TCP11: variants seen among roughly 807,000 people sequenced by gnomAD.
The protein encoded by TCP11 is t-complex 11.
In TCP11, 34 loss-of-function variants were observed where a neutral mutation model predicts 45.0. The ratio of observed to expected loss-of-function variants is 0.76; its 90% CI spans 0.57 to 1.01. The LOEUF is 1.01. Among genes scored for constraint, TCP11 ranks in the 50% least tolerant of loss-of-function variants. The pLI, the probability that TCP11 is intolerant of heterozygous loss-of-function variation, is 0.00. For missense variants in TCP11, 523 were observed against 598.1 expected (o/e 0.87, Z 1.31); for synonymous variants, 227 against 227.0 (o/e 1.00, Z 0.00).
intron 5 of TCP11, 90 bp from the exon 6 acceptor site, chr6:35,121,135 G>A: frequency 7.1e-7 from 1 of 1,400,974 alleles, no homozygotes; most frequent in African/African-American, 1.4e-5. Context: ...AGTTAGGAGG[G>A]GCTTAAGACT....
intron 1 of TCP11, 31 bp from the exon 2 acceptor site, chr6:35,140,915 G>A: frequency 2.1e-5 from 32 of 1,525,184 alleles, no homozygotes; most frequent in Non-Finnish European, 2.6e-5. Flanking sequence ...TGTTGTTGGC[G>A]TCGGGGAAGG....
chr6:35,122,054 G>T, intron 5 of TCP11, 63 bp downstream of exon 5: 1 of 1,522,174 alleles, frequency 6.6e-7, no homozygotes, highest in Non-Finnish European at 9.1e-7. Context: ...ATCTAGGTCT[G>T]GCCCAGCTTT....
At chr6:35,128,833 T>G in intron 4 of TCP11, 1 of 491,282 alleles carries the variant, frequency 2.0e-6, no homozygotes. Flanking sequence ...TATTCAAGGA[T>G]TCTTTAGTTT....
intron 2 of TCP11, among the ~76,000 whole-genome samples, chr6:35,139,228 A>C (rs1475305014): frequency 1.3e-5 from 2 of 152,124 alleles, no homozygotes; most frequent in East Asian, 3.9e-4. Flanking sequence ...ATCAACAACA[A>C]CAAAAATTAA....
chr6:35,141,225 G>C lies in TCP11; in HGVS notation c.-35C>G, dbSNP rs745687408. ...GTCACCTCCTCCTCCCCCGCCGCGG[G>C]TCATCCACTGGCGTCCGCTCGGTGG... On this transcript the variant is annotated 5_prime_UTR_variant, in exon 1 of 10. Coordinates refer to ENST00000311875, the MANE Select transcript of TCP11 (RefSeq NM_001370687.1). The C allele has an allele frequency of 8.5e-6, 12 of 1,406,236 alleles. No homozygotes were observed. The highest frequency in any genetic ancestry group is 2.8e-5 in the Admixed American group (1 of 36,026). The allele number at this position is 1,406,236 out of a possible 1,614,324, so 87.1% of individuals were successfully genotyped here. A position where few individuals can be genotyped will look rare whatever the true frequency, so the allele number is the denominator to read the frequency against.
intron 4 of TCP11, among the ~76,000 whole-genome samples, chr6:35,123,140 C>T (rs867935080): frequency 1.3e-5 from 2 of 152,168 alleles, no homozygotes; most frequent in African/African-American, 4.8e-5. Flanking sequence ...AAGGGCCTTC[C>T]TTCTTGGCTC....
rs1024658371 is a variant in TCP11, at chr6:35,136,171, G to T, written c.172C>A (p.Leu58Met). 3 of 1,613,484 alleles carry T rather than the reference G, an allele frequency of 1.9e-6. No individual in the cohort carries two copies. In the African/African-American group the frequency reaches 4.0e-5, roughly 22 times the overall value. ...CAATTCATCCCAATCTTGTTGCTCA[G>T]CTTGGAAACTTCATTAACGGTTTCT... ...LTETVNEVSK[L>M]SNKIGMNCDY... is the part of the protein sequence containing the mutation. Residue 58 changes from leucine to methionine, a missense_variant, in exon 3 of 10, where the codon CTG becomes ATG. Coordinates refer to ENST00000311875, the MANE Select transcript of TCP11 (RefSeq NM_001370687.1).
intron 2 of TCP11, among the ~76,000 whole-genome samples, chr6:35,139,608 G>A (rs1345342791): frequency 6.6e-6 from 1 of 152,194 alleles, no homozygotes. Flanking sequence ...TCTTCAGAAG[G>A]GGATTGAACT....
intron 2 of TCP11, chr6:35,137,999 A>C (rs1156551024): frequency 2.9e-6 from 1 of 342,264 alleles, no homozygotes; most frequent in East Asian, 7.9e-5. Flanking sequence ...CCCTGTTCTT[A>C]GATACATGAT....
intron 4 of TCP11, among the ~76,000 whole-genome samples, chr6:35,126,650 CTTTTT>C (rs56010838): frequency 6.6e-3 from 442 of 66,870 alleles, no homozygotes; most frequent in African/African-American, 0.023. Context: ...GAATCAAAGA[CTTTTT>C]TTTTTTTTTT....
At chr6:35,119,572 C>CT (rs2127636963) in intron 8 of TCP11, among the ~76,000 whole-genome samples, 181 bp from the exon 9 acceptor site, 1 of 152,366 alleles carries the variant, frequency 6.6e-6, no homozygotes, top group Admixed American at 6.5e-5. Flanking sequence ...AATGTCCTCA[C>CT]TGTAACCCTC....
At chr6:35,140,919 G>A (rs368978386) in intron 1 of TCP11, 35 bp from the exon 2 acceptor site, 8 of 1,528,186 alleles carry the variant, frequency 5.2e-6, no homozygotes, top group Non-Finnish European at 7.0e-6. Context: ...GTTGGCGTCG[G>A]GGAAGGGGCC....
chr6:35,125,959 T>A (rs946481734), intron 4 of TCP11, among the ~76,000 whole-genome samples: 1 of 152,144 alleles, frequency 6.6e-6, no homozygotes, highest in Non-Finnish European at 1.5e-5. Flanking sequence ...GTAGTCAAAT[T>A]CATAGAGACA....
chr6:35,118,357 T>C lies in TCP11; in HGVS notation c.1424A>G (p.Gln475Arg). Residue 475 changes from glutamine (Q) to arginine (R), a missense_variant, in exon 10 of 10, where the codon CAG becomes CGG. Physicochemically the swap from Gln to Arg is conservative, Grantham distance 43. This residue lies in a region of TCP11 where 298 missense variants were observed against 387.9 expected (regional missense o/e 0.77). Transcript: ENST00000311875. ...AGTGTAGTAGGGACCAAACACCTGC[T>C]GATTGTGATGTGTCAAGTTGACAAA... ...QKFVNLTHHN[Q>R]QVFGPYYTEI... 3.7e-6 allele frequency: 6 copies of C among 1,614,166 alleles called. No homozygotes were observed. The highest frequency in any genetic ancestry group is 5.1e-6 in the Non-Finnish European group (6 of 1,180,024).
intron 3 of TCP11, among the ~76,000 whole-genome samples, chr6:35,135,715 G>A (rs1781002843): frequency 6.6e-6 from 1 of 151,270 alleles, no homozygotes; most frequent in South Asian, 2.1e-4. Flanking sequence ...CTAGGTAACA[G>A]AGTGAGACCC....
intron 2 of TCP11, among the ~76,000 whole-genome samples, chr6:35,139,502 G>A (rs1470531566): frequency 6.6e-6 from 1 of 152,214 alleles, no homozygotes; most frequent in Non-Finnish European, 1.5e-5. Context: ...CAGCCTCTCT[G>A]AAGTCTTTAG....
chr6:35,136,422 A>G (rs1781121341), intron 2 of TCP11, among the ~76,000 whole-genome samples: 1 of 151,832 alleles, frequency 6.6e-6, no homozygotes, highest in African/African-American at 2.4e-5. Context: ...ACACTGGGGG[A>G]AGGCAGGACA....
At position 35,122,249 on chromosome 6, in the gene TCP11, G is replaced by A. The variant is rs1327578490; in HGVS notation, c.446C>T (p.Ala149Val). 2 of 1,614,042 alleles carry A rather than the reference G, an allele frequency of 1.2e-6. No homozygotes were observed. The highest frequency in any genetic ancestry group is 1.6e-4 in the Middle Eastern group (1 of 6,084). Residue 149 changes from alanine to valine, a missense_variant, in exon 5 of 10, where the codon GCA (alanine) becomes GTA (valine). Ala to Val is a moderately conservative substitution (Grantham distance 64, BLOSUM62 0). Around this residue, in one of 2 missense-constraint regions of TCP11, gnomAD observed 225 missense variants for 210.2 expected, o/e 1.07. Coordinates refer to ENST00000311875, the MANE Select transcript of TCP11 (RefSeq NM_001370687.1). ...GAGGACTTTCAGGGCCCCATGTTCT[G>A]CCTCCTGCTTGAGCAAGTCCATGTC... ...ALDMDLLKQE[A>V]EHGALKVLYL...
chr6:35,131,566 T>C (rs1780456881), intron 3 of TCP11, among the ~76,000 whole-genome samples: 1 of 150,966 alleles, frequency 6.6e-6, no homozygotes, highest in Non-Finnish European at 1.5e-5. Flanking sequence ...AAACTCCATC[T>C]CAAAAACAAA....
Sources: gnomAD v4.1 joint callset for allele counts (sites outside exome capture counted in the v4.1 genomes callset) on GRCh38, gnomAD v4.1.1 for gene constraint, gnomAD v4.1.1 regional missense constraint, MANE v1.5 for transcripts, NCBI Gene and HGNC (gene_info 2026-07-23, HGNC 2026-07-21) for gene names.